Variants in LRCH2 observed in about 807,000 individuals in gnomAD.
LRCH2 encodes the protein leucine rich repeats and calponin homology domain containing 2.
A neutral mutation model predicts 68.9 loss-of-function variants in LRCH2; 38 were observed. That is an observed-to-expected ratio of 0.55 (90% CI 0.43 to 0.72). The LOEUF is 0.72. LRCH2 is among the 30% of genes least tolerant of loss of function. LRCH2 has a pLI of 0.00. For synonymous variants in LRCH2, 191 were observed against 208.1 expected (o/e 0.92, Z 0.71); for missense variants, 528 against 572.9 (o/e 0.92, Z 0.80).
At chrX:115,185,921 G>A (rs782668145) in intron 2 of LRCH2, among the ~76,000 whole-genome samples, 31 of 111,928 alleles carry the variant, frequency 2.8e-4, no homozygotes, top group Middle Eastern at 4.6e-3. Flanking sequence ...TATAGGAAGA[G>A]AGAAGAGTTG....
chrX:115,212,079 G>A (rs1231097293), intron 1 of LRCH2, among the ~76,000 whole-genome samples: 1 of 112,131 alleles, frequency 8.9e-6, no homozygotes, highest in Non-Finnish European at 1.9e-5. Flanking sequence ...AACTCTGAAG[G>A]GTCGGATTTT....
chrX:115,165,663 C>T lies in LRCH2; in HGVS notation c.1199-8G>A. On this transcript the variant is annotated splice_polypyrimidine_tract_variant and splice_region_variant and intron_variant, in intron 8 of 20. Transcript: ENST00000317135. ...AATCATATACCTCCTGGTCTAGGTA[C>T]AGATTAATATTTATTAGAAAATGTA... 9.1e-7 allele frequency: 1 copy of T among 1,099,851 alleles called. No individual in the cohort carries two copies. The highest frequency in any genetic ancestry group is 3.3e-5 in the East Asian group (1 of 30,617). 90.6% of individuals were successfully genotyped at this position (1,099,851 alleles called of 1,213,427 possible).
At chrX:115,233,641 C>A in intron 1 of LRCH2, 52 bp downstream of exon 1, 1 of 1,077,434 alleles carries the variant, frequency 9.3e-7, no homozygotes. Flanking sequence ...CAGCCACCCA[C>A]TCCCCGCACC....
intron 1 of LRCH2, chrX:115,192,541 C>T (rs1556561506): frequency 8.6e-7 from 1 of 1,169,454 alleles, no homozygotes; most frequent in South Asian, 1.9e-5. Context: ...AACGGGCAGC[C>T]CTCCCCTGCA....
At chrX:115,168,158 C>A in intron 6 of LRCH2, among the ~76,000 whole-genome samples, 1 of 112,009 alleles carries the variant, frequency 8.9e-6, no homozygotes. Flanking sequence ...TATGTAAGTA[C>A]TGTAGTGCCT....
At chrX:115,116,369 C>T (rs1008693631) in intron 20 of LRCH2, among the ~76,000 whole-genome samples, 1 of 110,909 alleles carries the variant, frequency 9.0e-6, no homozygotes, top group African/African-American at 3.3e-5. Flanking sequence ...CACTATTCAG[C>T]CATAAAAAGA....
intron 20 of LRCH2, among the ~76,000 whole-genome samples, 177 bp from the exon 21 acceptor site, chrX:115,113,512 G>C (rs2072058528): frequency 9.0e-6 from 1 of 110,824 alleles, no homozygotes; most frequent in Non-Finnish European, 1.9e-5. Flanking sequence ...TTTATACTAA[G>C]AAAAAAGATT....
intron 1 of LRCH2, among the ~76,000 whole-genome samples, chrX:115,205,295 A>G (rs2072957780): frequency 8.9e-6 from 1 of 111,946 alleles, no homozygotes; most frequent in Non-Finnish European, 1.9e-5. Context: ...GAGCTAAACC[A>G]TATCAAAGAG....
chrX:115,204,804 T>C (rs1556567393), intron 1 of LRCH2, among the ~76,000 whole-genome samples: 1 of 111,831 alleles, frequency 8.9e-6, no homozygotes, highest in African/African-American at 3.3e-5. Flanking sequence ...AACAAGTTTC[T>C]AGAGAGTTCC....
At chrX:115,195,738 AGAGT>A (rs782301462) in intron 1 of LRCH2, among the ~76,000 whole-genome samples, 12 of 111,232 alleles carry the variant, frequency 1.1e-4, no homozygotes, top group Non-Finnish European at 1.5e-4. Flanking sequence ...TCCCTAAGAG[AGAGT>A]GAGTGAGTAT....
intron 11 of LRCH2, among the ~76,000 whole-genome samples, chrX:115,159,559 G>C (rs1556540758): frequency 9.1e-6 from 1 of 109,987 alleles, no homozygotes; most frequent in African/African-American, 3.3e-5. Context: ...AGACCATCCT[G>C]GCTAACATGG....
At position 115,219,266 on chromosome X, in the gene LRCH2, G is replaced by A. The variant is rs781839404; in HGVS notation, c.349+14427C>T. On this transcript the variant is annotated intron_variant, in intron 1 of 20. Transcript: ENST00000317135. Reference sequence around the variant, plus strand: ...ATTAAGACTAATTTTATAGCTGCATGCTGTACCCCCTAAAATAATACTGTA... The same window carrying A: ...ATTAAGACTAATTTTATAGCTGCATACTGTACCCCCTAAAATAATACTGTA... 6.3e-5 allele frequency among the ~76,000 whole-genome samples: 7 copies of A among 111,813 alleles called. No homozygotes were observed. In the East Asian group the frequency reaches 1.7e-3, roughly 27 times the overall value.
intron 14 of LRCH2, among the ~76,000 whole-genome samples, chrX:115,145,507 C>A (rs1164631647): frequency 9.0e-6 from 1 of 110,862 alleles, no homozygotes; most frequent in Non-Finnish European, 1.9e-5. Flanking sequence ...AGAGACAACC[C>A]ACGGAATAGG....
intron 20 of LRCH2, among the ~76,000 whole-genome samples, chrX:115,120,298 T>G (rs1462758954): frequency 2.5e-5 from 2 of 80,721 alleles, no homozygotes; most frequent in Non-Finnish European, 4.7e-5. Flanking sequence ...ATCCAGAATC[T>G]ACAATGAACT....
chrX:115,166,095 C>A, intron 7 of LRCH2, 143 bp from the exon 8 acceptor site: 1 of 625,452 alleles, frequency 1.6e-6, no homozygotes. Flanking sequence ...AGGTTTACTG[C>A]TCAGCTTTAA....
chrX:115,117,676 T>C (rs2072095245), intron 20 of LRCH2, among the ~76,000 whole-genome samples: 1 of 111,184 alleles, frequency 9.0e-6, no homozygotes, highest in Middle Eastern at 4.2e-3. Flanking sequence ...TTATGCTGAG[T>C]GAAAGAAGAT....
At chrX:115,213,001 G>C (rs1223647142) in intron 1 of LRCH2, among the ~76,000 whole-genome samples, 4 of 108,364 alleles carry the variant, frequency 3.7e-5, no homozygotes, top group African/African-American at 1.3e-4. Flanking sequence ...GTCTTGCTAT[G>C]TTGCCCAGGC....
At chrX:115,151,701 G>T (rs2147374013) in intron 12 of LRCH2, among the ~76,000 whole-genome samples, 1 of 111,337 alleles carries the variant, frequency 9.0e-6, no homozygotes, top group East Asian at 2.8e-4. Context: ...CTAAAAGAAT[G>T]GGCAAAATAT....
At chrX:115,229,225 T>C (rs1249876394) in intron 1 of LRCH2, among the ~76,000 whole-genome samples, 1 of 111,731 alleles carries the variant, frequency 9.0e-6, no homozygotes, top group Admixed American at 9.5e-5. Context: ...GTTTAATAAC[T>C]GCTTTTTTAT....
Sources: allele counts gnomAD v4.1 joint callset (sites outside exome capture counted in the v4.1 genomes callset), GRCh38; gene constraint gnomAD v4.1.1; transcripts MANE v1.5; gene names NCBI Gene and HGNC (gene_info 2026-07-23, HGNC 2026-07-21).